NEK10: variants seen among roughly 807,000 people sequenced by gnomAD.
NEK10 encodes serine/threonine-protein kinase Nek10.
NEK10 carries 122 observed loss-of-function variants against 159.8 expected under a neutral mutation model. The observed-to-expected ratio is 0.76, with a 90% CI of 0.66 to 0.89. NEK10 has a LOEUF of 0.89. Among genes scored for constraint, NEK10 ranks in the 40% least tolerant of loss-of-function variants. NEK10 has a pLI of 0.00. For synonymous variants in NEK10, 466 were observed against 457.1 expected (o/e 1.02, Z -0.25); for missense variants, 1,342 against 1,323.1 (o/e 1.01, Z -0.22).
chr3:27,290,801 AAGG>A (rs758079056), intron 18 of NEK10, 47 bp from the exon 19 acceptor site: 12 of 1,455,970 alleles, frequency 8.2e-6, no homozygotes, highest in South Asian at 3.8e-5. Flanking sequence ...CAGGGTAAAG[AAGG>A]AGAAGAGAGA....
chr3:27,213,859 C>T lies in NEK10; in HGVS notation c.2091-11302G>A, dbSNP rs182631136. ...ATTTTTAAAGGCCCTGCAAAGCTGT[C>T]TCTTGTGGGGGAAATGCATTTTGCA... On this transcript the variant is annotated intron_variant, in intron 23 of 35. Coordinates refer to ENST00000691995, the MANE Select transcript of NEK10 (RefSeq NM_001394966.1). Among the ~76,000 whole-genome samples the T allele has an allele frequency of 2.4e-4, 37 of 152,336 alleles. No homozygotes were observed. The East Asian group carries it at 6.4e-3, about 26-fold the overall frequency.
intron 22 of NEK10, among the ~76,000 whole-genome samples, chr3:27,278,174 C>T (rs2041904608): frequency 6.6e-6 from 1 of 152,192 alleles, no homozygotes; most frequent in African/African-American, 2.4e-5. Flanking sequence ...TATTTTGCCA[C>T]TGTTTTAGGC....
chr3:27,319,132 T>C (rs1463077026), intron 6 of NEK10, among the ~76,000 whole-genome samples: 2 of 152,210 alleles, frequency 1.3e-5, no homozygotes, highest in East Asian at 3.9e-4. Context: ...TTTATTATTG[T>C]TTCTAACATA....
chr3:27,248,497 C>T (rs1421332383), intron 23 of NEK10, among the ~76,000 whole-genome samples: 1 of 152,104 alleles, frequency 6.6e-6, no homozygotes, highest in African/African-American at 2.4e-5. Context: ...GCATTTATAG[C>T]TACAAACTTC....
At chr3:27,162,184 C>A in intron 30 of NEK10, 1 of 431,856 alleles carries the variant, frequency 2.3e-6, no homozygotes, top group South Asian at 3.5e-5. Flanking sequence ...TAGGTATGTA[C>A]TTGAAGCATC....
At chr3:27,354,378 G>T (rs2048183148) in intron 1 of NEK10, among the ~76,000 whole-genome samples, 1 of 152,148 alleles carries the variant, frequency 6.6e-6, no homozygotes, top group Non-Finnish European at 1.5e-5. Flanking sequence ...TTTGAGATCA[G>T]CATGTACTCT....
intron 23 of NEK10, among the ~76,000 whole-genome samples, chr3:27,213,453 C>T (rs771662135): frequency 3.9e-5 from 6 of 152,130 alleles, no homozygotes; most frequent in Non-Finnish European, 5.9e-5. Context: ...TTTCTACTAA[C>T]GTGACCAAAA....
intron 3 of NEK10, 123 bp from the exon 4 acceptor site, chr3:27,346,339 C>T: frequency 2.0e-6 from 2 of 991,446 alleles, no homozygotes; most frequent in Admixed American, 4.2e-5. Context: ...AAGATAACAA[C>T]CCTTTCAAAT....
chr3:27,322,479 T>C (rs1003321029), intron 5 of NEK10, among the ~76,000 whole-genome samples: 1 of 152,124 alleles, frequency 6.6e-6, no homozygotes, highest in African/African-American at 2.4e-5. Flanking sequence ...CCCAAACTTA[T>C]TTGGTTCATG....
At chr3:27,275,967 C>T (rs1043531565) in intron 22 of NEK10, among the ~76,000 whole-genome samples, 6 of 151,918 alleles carry the variant, frequency 3.9e-5, no homozygotes, top group African/African-American at 7.3e-5. Context: ...TGCCCATGTG[C>T]GCATGCAATT....
At chr3:27,258,286 T>C (rs1235980367) in intron 22 of NEK10, among the ~76,000 whole-genome samples, 1 of 152,092 alleles carries the variant, frequency 6.6e-6, no homozygotes, top group Non-Finnish European at 1.5e-5. Context: ...TTGTTACATA[T>C]GTATACATGT....
chr3:27,136,387 C>T (rs563605219), intron 31 of NEK10, among the ~76,000 whole-genome samples: 1 of 152,198 alleles, frequency 6.6e-6, no homozygotes, highest in Non-Finnish European at 1.5e-5. Flanking sequence ...TCTGGGATTA[C>T]AGGCGTGAGC....
chr3:27,326,741 C>T (rs2046029244), intron 5 of NEK10, among the ~76,000 whole-genome samples: 3 of 152,146 alleles, frequency 2.0e-5, no homozygotes, highest in South Asian at 2.1e-4. Context: ...AATATTTCTA[C>T]GCGGCCTCTG....
rs559317207 is a variant in NEK10, at chr3:27,110,991, C to G, written c.*281G>C. On this transcript the variant is annotated 3_prime_UTR_variant, in exon 36 of 36. Coordinates refer to ENST00000691995, the MANE Select transcript of NEK10 (RefSeq NM_001394966.1). Reference sequence around the variant, plus strand: ...TGTTGTTGTTTTTGGGTTTTCCCCCCACCCTCCAAAAGATGAATTTTGCAG... The same window carrying G: ...TGTTGTTGTTTTTGGGTTTTCCCCCGACCCTCCAAAAGATGAATTTTGCAG... The G allele has an allele frequency of 1.7e-5, 5 of 301,022 alleles. No homozygotes were observed. The highest frequency in any genetic ancestry group is 3.0e-5 in the Non-Finnish European group (5 of 164,808). The allele number at this position is 301,022 out of a possible 1,614,324, so 18.6% of individuals were successfully genotyped here.
At chr3:27,171,329 A>G (rs1022875337) in intron 29 of NEK10, among the ~76,000 whole-genome samples, 9 of 152,200 alleles carry the variant, frequency 5.9e-5, no homozygotes, top group African/African-American at 2.2e-4. Flanking sequence ...GGCCAATGGT[A>G]TGTGAACAGA....
At chr3:27,230,810 G>A (rs1467600410) in intron 23 of NEK10, among the ~76,000 whole-genome samples, 1 of 151,910 alleles carries the variant, frequency 6.6e-6, no homozygotes, top group Non-Finnish European at 1.5e-5. Flanking sequence ...TTAGTCCAAT[G>A]AGAAGACATT....
intron 23 of NEK10, among the ~76,000 whole-genome samples, chr3:27,203,066 C>T (rs377568123): frequency 2.0e-5 from 3 of 152,166 alleles, no homozygotes; most frequent in Admixed American, 1.3e-4. Context: ...CTAGGAGCTT[C>T]GGTCCACTAC....
intron 3 of NEK10, among the ~76,000 whole-genome samples, chr3:27,347,933 G>T (rs560743033): frequency 6.6e-6 from 1 of 152,072 alleles, no homozygotes; most frequent in African/African-American, 2.4e-5. Flanking sequence ...TAACTCTAGG[G>T]TTATGAAAAT....
chr3:27,271,142 A>ATCTATCT (rs2041310827), intron 22 of NEK10, among the ~76,000 whole-genome samples: 1 of 146,338 alleles, frequency 6.8e-6, no homozygotes, highest in Non-Finnish European at 1.5e-5. Flanking sequence ...CCATCCATCT[A>ATCTATCT]TCTATCTTCT....
Sources: gnomAD v4.1 joint callset for allele counts (sites outside exome capture counted in the v4.1 genomes callset) on GRCh38, gnomAD v4.1.1 for gene constraint, MANE v1.5 for transcripts, NCBI Gene and HGNC (gene_info 2026-07-23, HGNC 2026-07-21) for gene names.